The following SMG5 variants were observed in gnomAD, a reference collection of about 807,000 sequenced individuals.
SMG5 encodes nonsense-mediated mRNA decay factor SMG5.
SMG5 carries 53 observed loss-of-function variants against 122.9 expected under a neutral mutation model. That is an observed-to-expected ratio of 0.43 (90% CI 0.35 to 0.54). The LOEUF (loss-of-function observed/expected upper bound fraction) is 0.54, where lower values mean the gene tolerates loss of function less well. SMG5 is among the 20% of genes least tolerant of loss of function. The pLI, the probability that SMG5 is intolerant of heterozygous loss-of-function variation, is 0.01. For missense variants in SMG5, 1,153 were observed against 1,285.6 expected (o/e 0.90, Z 1.58); for synonymous variants, 477 against 490.2 (o/e 0.97, Z 0.35).
chr1:156,277,535 G>T (rs1387515946), intron 3 of SMG5, among the ~76,000 whole-genome samples: 13 of 125,114 alleles, frequency 1.0e-4, no homozygotes, highest in African/African-American at 3.0e-4. Context: ...TTTTTGAGAT[G>T]GAGTTTCATT....
chr1:156,249,776 TTC>T lies in SMG5; in HGVS notation c.*809_*810del. ...CCTTTCTTCTCTTCCTGGCATCCCATTCTGTCCCAGCACAGCAGCCAAGAGCA... is the reference window on the plus strand; with the variant it reads ...CCTTTCTTCTCTTCCTGGCATCCCATTGTCCCAGCACAGCAGCCAAGAGCA... On this transcript the variant is annotated 3_prime_UTR_variant, in exon 22 of 22. Coordinates refer to ENST00000361813, the MANE Select transcript of SMG5 (RefSeq NM_015327.3). The T allele has an allele frequency of 2.1e-6, 1 of 471,100 alleles. No individual in the cohort carries two copies. The allele number at this position is 471,100 out of a possible 1,614,324, so 29.2% of individuals were successfully genotyped here.
intron 6 of SMG5, 39 bp downstream of exon 6, chr1:156,273,322 C>T: frequency 6.4e-7 from 1 of 1,564,132 alleles, no homozygotes; most frequent in Middle Eastern, 2.1e-4. Context: ...CCTAGGAAAA[C>T]CCTACTGGAT....
chr1:156,286,552 G>C (rs180760685), upstream of SMG5: 6 of 1,464,708 alleles, frequency 4.1e-6, no homozygotes, highest in Non-Finnish European at 4.7e-6. Flanking sequence ...TGGAGAGCCA[G>C]GGTCAGGAGC....
intron 12 of SMG5, among the ~76,000 whole-genome samples, chr1:156,264,472 T>G (rs1356727258): frequency 1.3e-5 from 2 of 152,030 alleles, no homozygotes; most frequent in African/African-American, 4.8e-5. Flanking sequence ...GTAAGAAATA[T>G]TCTGTCCTGC....
At chr1:156,273,015 A>G (rs11264463) in intron 6 of SMG5, among the ~76,000 whole-genome samples, 42,763 of 151,948 alleles carry the variant, frequency 0.28, 6,125 homozygotes, top group Non-Finnish European at 0.3. Context: ...TCAGCACTGA[A>G]TGCTTGTTCC....
upstream of SMG5, among the ~76,000 whole-genome samples, chr1:156,287,246 G>A (rs1438153180): frequency 1.3e-5 from 2 of 151,758 alleles, no homozygotes; most frequent in Admixed American, 1.3e-4. Flanking sequence ...GAAACCCCAG[G>A]TCTACTAAAA....
At position 156,261,418 on chromosome 1, in the gene SMG5, G is replaced by C. The variant is rs777796911; in HGVS notation, c.2032-10C>G. The C allele has an allele frequency of 1.2e-5, 19 of 1,613,136 alleles. No homozygotes were observed. The Admixed American group carries it at 1.7e-4, about 14-fold the overall frequency. On this transcript the variant is annotated splice_polypyrimidine_tract_variant and intron_variant, in intron 13 of 21. Coordinates refer to ENST00000361813, the MANE Select transcript of SMG5 (RefSeq NM_015327.3). ...ACAGACTTTGAGAGCTCTGGGGAGA[G>C]AGAAGGGAGAGGAGGCCTTCAGCTA...
chr1:156,282,757 C>T lies in SMG5; in HGVS notation c.-77G>A. 3 of 1,458,126 alleles carry T rather than the reference C, an allele frequency of 2.1e-6. No individual in the cohort carries two copies. The highest frequency in any genetic ancestry group is 4.6e-5 in the Admixed American group (2 of 43,650). The allele number at this position is 1,458,126 out of a possible 1,614,324, so 90.3% of individuals were successfully genotyped here. Reference sequence around the variant, plus strand: ...CTACCGCCAACACTGCCGTCTCCGGCCGTAGCCGCAGCCGCCGCCGCCACC... The same window carrying T: ...CTACCGCCAACACTGCCGTCTCCGGTCGTAGCCGCAGCCGCCGCCGCCACC... On this transcript the variant is annotated 5_prime_UTR_variant, in exon 1 of 22. Transcript: ENST00000361813.
At chr1:156,285,696 G>T, upstream of SMG5, 1 of 1,613,474 alleles carries the variant, frequency 6.2e-7, no homozygotes, top group Non-Finnish European at 8.5e-7. Context: ...GGCGAGTGCC[G>T]AACCTTCATG....
chr1:156,268,555 C>T, intron 7 of SMG5, 140 bp from the exon 8 acceptor site: 2 of 1,061,050 alleles, frequency 1.9e-6, no homozygotes, highest in Non-Finnish European at 2.7e-6. Context: ...GGGTAAAAGG[C>T]TCATGAGCTA....
At chr1:156,273,725 T>C (rs1482151313) in intron 5 of SMG5, among the ~76,000 whole-genome samples, 5 of 147,654 alleles carry the variant, frequency 3.4e-5, no homozygotes, top group East Asian at 1.9e-4. Flanking sequence ...TTTCTTTTTT[T>C]TTTTTTTTTT....
intron 12 of SMG5, among the ~76,000 whole-genome samples, chr1:156,264,716 C>G (rs993287622): frequency 9.2e-5 from 14 of 152,042 alleles, no homozygotes; most frequent in South Asian, 8.3e-4. Context: ...GCCAGACAGA[C>G]AAAACACTAT....
At chr1:156,267,722 T>C (rs1662219624) in intron 9 of SMG5, 44 bp from the exon 10 acceptor site, 2 of 1,507,372 alleles carry the variant, frequency 1.3e-6, no homozygotes, top group Non-Finnish European at 1.8e-6. Flanking sequence ...TGGTGGGGGC[T>C]GGGGAAGGAG....
chr1:156,267,518 G>T lies in SMG5; in HGVS notation c.1069C>A (p.Gln357Lys). The T allele has an allele frequency of 6.2e-7, 1 of 1,614,148 alleles. No homozygotes were observed. Among genetic ancestry groups the T allele is most frequent in the Non-Finnish European group, 8.5e-7 (1 of 1,180,014 alleles). The part of the protein sequence containing the change: ...YAFLPDLLIF[Q>K]MVIICLMCVH... Reference sequence around the variant, plus strand: ...CACATAAGGCAGATGATGACCATTTGAAAGATGAGAAGGTCCGGGAGGAAA... The same window carrying T: ...CACATAAGGCAGATGATGACCATTTTAAAGATGAGAAGGTCCGGGAGGAAA... The change falls in exon 10 of 22, where the codon CAA becomes AAA. Residue 357 changes from glutamine (Q) to lysine (K), a missense_variant. Gln to Lys is a moderately conservative substitution (Grantham distance 53). Transcript: ENST00000361813.
chr1:156,273,097 G>C (rs970816895), intron 6 of SMG5, among the ~76,000 whole-genome samples: 1 of 152,140 alleles, frequency 6.6e-6, no homozygotes, highest in African/African-American at 2.4e-5. Context: ...TTCTACAAGA[G>C]ACCTCAGGGA....
intron 12 of SMG5, 117 bp downstream of exon 12, chr1:156,265,664 C>T: frequency 6.8e-7 from 1 of 1,466,734 alleles, no homozygotes; most frequent in Admixed American, 2.2e-5. Flanking sequence ...AGGCAGAGGG[C>T]CAAAGGTAAG....
chr1:156,273,678 T>C (rs1662542257), intron 5 of SMG5, among the ~76,000 whole-genome samples: 3 of 152,008 alleles, frequency 2.0e-5, no homozygotes, highest in Admixed American at 1.3e-4. Flanking sequence ...AAGAATATTG[T>C]TTGTGAAGTA....
In SMG5 at chr1:156,278,012, G is replaced by A. The variant is rs1374303633; in HGVS notation, c.210C>T (p.His70=). Residue 70 remains histidine, a synonymous_variant, in exon 3 of 22, where the codon CAC becomes CAT. Coordinates refer to ENST00000361813, the MANE Select transcript of SMG5 (RefSeq NM_015327.3). ...RELCVKLMFL[H]PVDYGRKAEE... ...CAGCCTTTCTCCCATAGTCCACTGG[G>A]TGCAGGAACATAAGCTTGACGCAGA... 1 of 1,614,130 alleles carries A rather than the reference G, an allele frequency of 6.2e-7. No individual in the cohort carries two copies. The highest frequency in any genetic ancestry group is 1.1e-5 in the South Asian group (1 of 91,086).
Position 156,266,265 on chromosome 1 carries a change from G to A in SMG5, c.1371C>T (p.Ser457=). The A allele has an allele frequency of 5.6e-6, 9 of 1,614,248 alleles. No individual in the cohort carries two copies. The highest frequency in any genetic ancestry group is 7.6e-6 in the Non-Finnish European group (9 of 1,180,046). ...GTGGGTGGCGGCGACGGCGGAGACAGGAGAGGCGAGAGAACTTACGGCTCT... is the reference window on the plus strand; with the variant it reads ...GTGGGTGGCGGCGACGGCGGAGACAAGAGAGGCGAGAGAACTTACGGCTCT... The part of the protein sequence containing the change: ...GRKSRKFSRL[S]CLRRRRHPPK... The change falls in exon 12 of 22, where the codon TCC becomes TCT. Residue 457 remains serine (S), a synonymous_variant. Coordinates refer to ENST00000361813, the MANE Select transcript of SMG5 (RefSeq NM_015327.3).
Sources: gnomAD v4.1 joint callset for allele counts (sites outside exome capture counted in the v4.1 genomes callset) on GRCh38, gnomAD v4.1.1 for gene constraint, MANE v1.5 for transcripts, NCBI Gene and HGNC (gene_info 2026-07-23, HGNC 2026-07-21) for gene names.